The following BTBD7 variants were observed in gnomAD, a reference collection of about 807,000 sequenced individuals.
BTBD7 encodes the protein BTB/POZ domain-containing protein 7.
Under a neutral mutation model 99.9 loss-of-function variants are expected in BTBD7, and 38 were observed. The ratio of observed to expected loss-of-function variants is 0.38; its 90% CI spans 0.29 to 0.50. The LOEUF (loss-of-function observed/expected upper bound fraction) is 0.50, where lower values mean the gene tolerates loss of function less well. BTBD7 is among the 20% of genes least tolerant of loss of function. The probability of loss-of-function intolerance (pLI) is 0.93; values close to 1 mark genes in which losing one functional copy is unlikely to be tolerated. For synonymous variants in BTBD7, 520 were observed against 511.4 expected (o/e 1.02, Z -0.23); for missense variants, 1,170 against 1,394.6 (o/e 0.84, Z 2.57).
rs146410674 is a variant in BTBD7, at chr14:93,325,383, C to G, written c.-107+7437G>C. Among the ~76,000 whole-genome samples the G allele has an allele frequency of 3.8e-3, 573 of 150,502 alleles. 2 individuals carry two copies. Among genetic ancestry groups the G allele is most frequent in the African/African-American group, 0.013 (537 of 41,346 alleles). On this transcript the variant is annotated intron_variant, in intron 1 of 10. Transcript: ENST00000334746. The stretch of plus-strand genomic sequence containing the variant: ...CCTCAGGTGATCCGCCCACCTCAGC[C>G]TCCCAAAGTGCTGGGATTACAGGTG...
chr14:93,271,373 GAAAC>G (rs2052599287), intron 3 of BTBD7, among the ~76,000 whole-genome samples: 1 of 152,122 alleles, frequency 6.6e-6, no homozygotes, highest in Non-Finnish European at 1.5e-5. Flanking sequence ...GAGGAAGGAG[GAAAC>G]AGGCAAGGGG....
At chr14:93,270,930 C>G (rs528807771) in intron 3 of BTBD7, among the ~76,000 whole-genome samples, 1 of 152,254 alleles carries the variant, frequency 6.6e-6, no homozygotes, top group African/African-American at 2.4e-5. Context: ...TTCCTCTATT[C>G]TCTTTTACTA....
At chr14:93,308,844 A>G (rs1167905585) in intron 1 of BTBD7, among the ~76,000 whole-genome samples, 1 of 152,226 alleles carries the variant, frequency 6.6e-6, no homozygotes, top group Admixed American at 6.5e-5. Flanking sequence ...AGGGGCTGGG[A>G]AGTTAGTGTT....
chr14:93,275,999 G>C (rs1243575991), intron 3 of BTBD7, among the ~76,000 whole-genome samples: 1 of 152,038 alleles, frequency 6.6e-6, no homozygotes. Context: ...CAGATCTTTT[G>C]AGCCCAGGAG....
At chr14:93,289,678 T>G (rs1297227458) in intron 3 of BTBD7, among the ~76,000 whole-genome samples, 4 of 152,190 alleles carry the variant, frequency 2.6e-5, no homozygotes, top group Non-Finnish European at 5.9e-5. Flanking sequence ...GAAATAAAAT[T>G]AAACATATTC....
intron 3 of BTBD7, among the ~76,000 whole-genome samples, chr14:93,272,200 T>C (rs1412021487): frequency 3.9e-5 from 6 of 152,132 alleles, no homozygotes; most frequent in African/African-American, 1.4e-4. Context: ...GAGAATCGCT[T>C]GAACCCGGGA....
rs372396895 is a variant in BTBD7 at position 93,254,650 on chromosome 14, G to A, written c.1609-860C>T. Among the ~76,000 whole-genome samples, 7 of 152,326 alleles carry A rather than the reference G, an allele frequency of 4.6e-5. 1 individual carries two copies. The East Asian group carries it at 7.7e-4, about 17-fold the overall frequency. ...GCTCCTGTATGGCTCTGGAGGCAAGGCAGTGCACAGCTAACTGAATGAGGT... is the reference window on the plus strand; with the variant it reads ...GCTCCTGTATGGCTCTGGAGGCAAGACAGTGCACAGCTAACTGAATGAGGT... On this transcript the variant is annotated intron_variant, in intron 6 of 10. Coordinates refer to ENST00000334746, the MANE Select transcript of BTBD7 (RefSeq NM_001002860.4).
intron 10 of BTBD7, among the ~76,000 whole-genome samples, chr14:93,245,484 G>T (rs2052293692): frequency 6.6e-6 from 1 of 152,226 alleles, no homozygotes; most frequent in African/African-American, 2.4e-5. Context: ...GTAGAAGTTA[G>T]GGACAAATTG....
Position 93,294,309 on chromosome 14 carries a change from C to T in BTBD7, c.711G>A (p.Met237Ile). 2 of 1,614,134 alleles carry T rather than the reference C, an allele frequency of 1.2e-6. No individual in the cohort carries two copies. Among genetic ancestry groups the T allele is most frequent in the Non-Finnish European group, 1.7e-6 (2 of 1,180,032 alleles). ...AACACATGTAATCAAAGAGTCCACG[C>T]ATATCTACATCAAGGGAATTTGGTG... Reference protein sequence around the residue: ...FGTPNSLDVDMRGLFDYMCYY... With the variant: ...FGTPNSLDVDIRGLFDYMCYY... Residue 237 changes from methionine to isoleucine, a missense_variant, in exon 3 of 11, where the codon ATG becomes ATA. By Grantham distance (10) the Met-to-Ile change is conservative (BLOSUM62 1). This residue lies in a region of BTBD7 where 359 missense variants were observed against 497.9 expected (regional missense o/e 0.72). Coordinates refer to ENST00000334746, the MANE Select transcript of BTBD7 (RefSeq NM_001002860.4).
chr14:93,296,985 A>G (rs2052936066), intron 1 of BTBD7, among the ~76,000 whole-genome samples: 1 of 152,260 alleles, frequency 6.6e-6, no homozygotes, highest in Non-Finnish European at 1.5e-5. Context: ...ATTAATGGAA[A>G]TACTTCTAAA....
Position 93,261,668 on chromosome 14 carries a change from G to A in BTBD7, c.1381C>T (p.Gln461Ter), listed in dbSNP as rs767465081. 6.2e-7 allele frequency: 1 copy of A among 1,605,016 alleles called. No homozygotes were observed. The highest frequency in any genetic ancestry group is 8.5e-7 in the Non-Finnish European group (1 of 1,173,794). The change falls in exon 5 of 11, where the codon CAA becomes TAA. Residue 461 changes from glutamine (Q) to a stop codon, truncating the protein, a stop_gained. Transcript: ENST00000334746. LOFTEE classifies it high-confidence loss of function. ...IQSDYLQASE[Q>*]DILKYLIKWG... is the part of the protein sequence containing the mutation. The stretch of plus-strand genomic sequence containing the variant: ...TTAATCAGATATTTAAGGATATCTT[G>A]TTCACTTGCCTATAATAAAAAATGG...
chr14:93,295,737 T>A (rs1335570135), intron 2 of BTBD7, among the ~76,000 whole-genome samples: 2 of 152,350 alleles, frequency 1.3e-5, no homozygotes, highest in East Asian at 3.9e-4. Context: ...TTGCCTAAGG[T>A]AATTGGCAAT....
intron 5 of BTBD7, among the ~76,000 whole-genome samples, chr14:93,260,497 A>G (rs551181164): frequency 6.6e-6 from 1 of 151,646 alleles, no homozygotes; most frequent in African/African-American, 2.4e-5. Flanking sequence ...TTCTGCAGTG[A>G]CCCCACTGGG....
intron 1 of BTBD7, among the ~76,000 whole-genome samples, chr14:93,299,735 A>C (rs145321577): frequency 8.5e-5 from 13 of 152,250 alleles, no homozygotes; most frequent in African/African-American, 2.9e-4. Flanking sequence ...TAAAAAAGAG[A>C]AGTCAACTTT....
At chr14:93,318,554 G>A (rs1371634130) in intron 1 of BTBD7, among the ~76,000 whole-genome samples, 5 of 152,118 alleles carry the variant, frequency 3.3e-5, no homozygotes, top group African/African-American at 7.2e-5. Flanking sequence ...GGATCTAGAA[G>A]AATGAATGAA....
At chr14:93,295,049 A>T in intron 2 of BTBD7, 112 bp from the exon 3 acceptor site, 2 of 1,025,348 alleles carry the variant, frequency 2.0e-6, no homozygotes, top group Non-Finnish European at 2.7e-6. Context: ...GAACCACTCA[A>T]AATTGCATTT....
chr14:93,281,869 GAATT>G (rs1372419628), intron 3 of BTBD7, among the ~76,000 whole-genome samples: 2 of 152,300 alleles, frequency 1.3e-5, no homozygotes, highest in Admixed American at 6.5e-5. Flanking sequence ...TTTTTGAAAT[GAATT>G]AATTCAGAGG....
chr14:93,286,930 T>G (rs1020608312), intron 3 of BTBD7, among the ~76,000 whole-genome samples: 1 of 152,170 alleles, frequency 6.6e-6, no homozygotes, highest in African/African-American at 2.4e-5. Flanking sequence ...TGATGTCATA[T>G]CTTTACATTT....
At chr14:93,287,493 G>A (rs938748606) in intron 3 of BTBD7, 1 of 151,784 alleles carries the variant, frequency 6.6e-6, no homozygotes, top group Non-Finnish European at 1.5e-5. Context: ...GCCATGCTGT[G>A]TACTAAAATT....
Sources: gnomAD v4.1 joint callset for allele counts (sites outside exome capture counted in the v4.1 genomes callset) on GRCh38, gnomAD v4.1.1 for gene constraint, gnomAD v4.1.1 regional missense constraint, MANE v1.5 for transcripts, NCBI Gene and HGNC (gene_info 2026-07-23, HGNC 2026-07-21) for gene names.